SGCD: variants seen among roughly 807,000 people sequenced by gnomAD.
The protein encoded by SGCD is sarcoglycan delta.
Under a neutral mutation model 36.6 loss-of-function variants are expected in SGCD, and 18 were observed. That is an observed-to-expected ratio of 0.49 (90% CI 0.34 to 0.73). The LOEUF (loss-of-function observed/expected upper bound fraction) is 0.73. Among genes scored for constraint, SGCD ranks in the 30% least tolerant of loss-of-function variants. The probability of loss-of-function intolerance (pLI) is 0.01; values close to 1 mark genes in which losing one functional copy is unlikely to be tolerated. For missense variants in SGCD, 387 were observed against 346.7 expected, an observed-to-expected ratio of 1.12 and a Z score of -0.92; for synonymous variants, 133 against 130.6, an observed-to-expected ratio of 1.02 and a Z score of -0.12.
At chr5:156,159,149 C>T (rs1233079070) in intron 3 of SGCD, among the ~76,000 whole-genome samples, 1 of 151,368 alleles carries the variant, frequency 6.6e-6, no homozygotes, top group African/African-American at 2.5e-5. Flanking sequence ...GGCTATTTTG[C>T]AAGATTATTT....
At chr5:156,095,531 C>A (rs1292714663) in intron 1 of SGCD, among the ~76,000 whole-genome samples, 1 of 152,164 alleles carries the variant, frequency 6.6e-6, no homozygotes, top group Non-Finnish European at 1.5e-5. Flanking sequence ...GAAGTGTTCA[C>A]ACTCTTCTTT....
At chr5:156,641,656 A>T (rs1763032597) in intron 6 of SGCD, among the ~76,000 whole-genome samples, 1 of 152,214 alleles carries the variant, frequency 6.6e-6, no homozygotes, top group African/African-American at 2.4e-5. Flanking sequence ...TTTGTGGAGT[A>T]TAAAGTTTTA....
intron 3 of SGCD, among the ~76,000 whole-genome samples, chr5:156,350,360 A>G (rs1769185952): frequency 6.6e-6 from 1 of 151,024 alleles, no homozygotes; most frequent in African/African-American, 2.4e-5. Flanking sequence ...GAAAGCTCAC[A>G]CTGTAATCAA....
At chr5:156,186,048 A>G (rs767993175) in intron 3 of SGCD, among the ~76,000 whole-genome samples, 1 of 150,324 alleles carries the variant, frequency 6.7e-6, no homozygotes, top group East Asian at 2.0e-4. Context: ...GGCCACTTTA[A>G]TGTTTACTAG....
chr5:156,307,557 T>TG (rs1157808007), intron 3 of SGCD, among the ~76,000 whole-genome samples: 4,090 of 94,500 alleles, frequency 0.043, 36 homozygotes, highest in South Asian at 0.055. Flanking sequence ...TAACTGTTGT[T>TG]TTTTTTTTTT....
At chr5:156,043,187 G>A (rs1355285394) in intron 1 of SGCD, among the ~76,000 whole-genome samples, 1 of 152,068 alleles carries the variant, frequency 6.6e-6, no homozygotes, top group Non-Finnish European at 1.5e-5. Flanking sequence ...AGAAGTTCTG[G>A]AAGAACAAGT....
chr5:155,950,774 T>C (rs966788034), intron 1 of SGCD, among the ~76,000 whole-genome samples: 1 of 152,180 alleles, frequency 6.6e-6, no homozygotes, highest in Admixed American at 6.5e-5. Flanking sequence ...CCAAGCTGTA[T>C]ATATTCCCTC....
intron 1 of SGCD, among the ~76,000 whole-genome samples, chr5:155,915,424 AT>A (rs1756715909): frequency 6.6e-6 from 1 of 152,170 alleles, no homozygotes; most frequent in Non-Finnish European, 1.5e-5. Context: ...AAACTGAAAG[AT>A]GGATGAGCTA....
chr5:155,975,609 C>CCTTTTTTTTTTTTTTTTTTT (rs1758096365), intron 1 of SGCD, among the ~76,000 whole-genome samples: 2 of 28,006 alleles, frequency 7.1e-5, no homozygotes, highest in African/African-American at 1.3e-4. Flanking sequence ...TCTTTCTTTC[C>CCTTTTTTTTTTTTTTTTTTT]TTTTTTTTTT....
At chr5:155,848,939 G>A in the SGCD span, among the ~76,000 whole-genome samples, 24 of 152,150 alleles carry the variant, frequency 1.6e-4, no homozygotes, top group Non-Finnish European at 2.9e-4. Flanking sequence ...GAATTAATTC[G>A]TGGGTAACTT....
intron 7 of SGCD, among the ~76,000 whole-genome samples, chr5:156,720,241 T>C (rs546652692): frequency 3.9e-5 from 6 of 152,102 alleles, no homozygotes; most frequent in African/African-American, 1.4e-4. Flanking sequence ...ACAGGCCATA[T>C]AACTAATAAG....
chr5:155,871,287 G>A (rs1755651713), intron 1 of SGCD, among the ~76,000 whole-genome samples: 1 of 152,146 alleles, frequency 6.6e-6, no homozygotes, highest in South Asian at 2.1e-4. Flanking sequence ...ACGGTACATT[G>A]TTAAAGACCA....
Position 156,148,258 on chromosome 5 carries a change from C to T in SGCD, c.-44+24239C>T, listed in dbSNP as rs955203301. Among the ~76,000 whole-genome samples, 6 of 152,110 alleles carry T rather than the reference C, an allele frequency of 3.9e-5. No individual in the cohort carries two copies. In the South Asian group the frequency reaches 1.0e-3, roughly 26 times the overall value. Reference sequence around the variant, plus strand: ...TGATTTTGAGCAATAGATATATTACCCAAATATATCAGCAGACCATATGCA... The same window carrying T: ...TGATTTTGAGCAATAGATATATTACTCAAATATATCAGCAGACCATATGCA... On this transcript the variant is annotated intron_variant, in intron 3 of 9. Transcript: ENST00000517913.
chr5:156,626,024 G>C (rs535861850), intron 6 of SGCD, among the ~76,000 whole-genome samples: 23 of 151,606 alleles, frequency 1.5e-4, no homozygotes, highest in Admixed American at 1.3e-3. Flanking sequence ...AACATCTTTG[G>C]CACAATTTGG....
intron 7 of SGCD, among the ~76,000 whole-genome samples, chr5:156,672,233 C>A (rs1397215541): frequency 1.3e-5 from 2 of 152,096 alleles, no homozygotes; most frequent in Non-Finnish European, 2.9e-5. Flanking sequence ...TTGGAGGTTT[C>A]ACTCTTAAAT....
chr5:155,940,882 AAC>A (rs1489902940), intron 1 of SGCD, among the ~76,000 whole-genome samples: 4 of 151,898 alleles, frequency 2.6e-5, no homozygotes, highest in African/African-American at 7.3e-5. Flanking sequence ...CAACAAAAAA[AAC>A]ATTAACTAGT....
intron 6 of SGCD, among the ~76,000 whole-genome samples, chr5:156,629,802 C>T (rs1194965665): frequency 2.0e-5 from 3 of 151,270 alleles, no homozygotes; most frequent in Admixed American, 6.6e-5. Context: ...AAATTTGGCC[C>T]ATGGGTTCTA....
At chr5:156,369,045 C>T (rs1376986337) in intron 3 of SGCD, among the ~76,000 whole-genome samples, 1 of 152,104 alleles carries the variant, frequency 6.6e-6, no homozygotes, top group Admixed American at 6.5e-5. Context: ...CAGATGATTC[C>T]CTGTAATTCT....
chr5:156,031,101 G>A (rs1052384180), intron 1 of SGCD, among the ~76,000 whole-genome samples: 1 of 152,162 alleles, frequency 6.6e-6, no homozygotes, highest in African/African-American at 2.4e-5. Context: ...AGACTGATCT[G>A]CCAATATTGT....
Sources: allele counts gnomAD v4.1 joint callset (sites outside exome capture counted in the v4.1 genomes callset), GRCh38; gene constraint gnomAD v4.1.1; transcripts MANE v1.5; gene names NCBI Gene and HGNC (gene_info 2026-07-23, HGNC 2026-07-21).